The following CADM2 variants were observed in gnomAD, a reference collection of about 807,000 sequenced individuals.
CADM2 encodes the protein immunoglobulin superfamily member 4D.
Under a neutral mutation model 49.8 loss-of-function variants are expected in CADM2, and 12 were observed. The observed-to-expected ratio is 0.24, with a 90% CI of 0.15 to 0.39. The LOEUF (loss-of-function observed/expected upper bound fraction) is 0.39. CADM2 is among the 10% of genes least tolerant of loss of function. The pLI, the probability that CADM2 is intolerant of heterozygous loss-of-function variation, is 1.00. For missense variants in CADM2, 378 were observed against 492.3 expected, an observed-to-expected ratio of 0.77 and a Z score of 2.20; for synonymous variants, 214 against 175.4, an observed-to-expected ratio of 1.22 and a Z score of -1.74.
intron 3 of CADM2, among the ~76,000 whole-genome samples, chr3:85,807,499 C>CAACAAA (rs1491136759): frequency 8.5e-5 from 7 of 82,232 alleles, no homozygotes; most frequent in African/African-American, 2.6e-4. Context: ...AACTCCGTCT[C>CAACAAA]AAAAAAAAAA....
chr3:85,957,241 T>C (rs1335451104), intron 7 of CADM2, among the ~76,000 whole-genome samples: 1 of 151,738 alleles, frequency 6.6e-6, no homozygotes, highest in African/African-American at 2.4e-5. Flanking sequence ...TGAGAACTAT[T>C]AATAATTTGG....
chr3:85,777,430 G>A (rs1422517092), intron 2 of CADM2, among the ~76,000 whole-genome samples: 1 of 151,558 alleles, frequency 6.6e-6, no homozygotes, highest in Non-Finnish European at 1.5e-5. Context: ...TAATTTTTTT[G>A]TTTTAGTAGA....
At chr3:86,012,057 T>C (rs1454432443) in intron 8 of CADM2, among the ~76,000 whole-genome samples, 1 of 152,072 alleles carries the variant, frequency 6.6e-6, no homozygotes, top group African/African-American at 2.4e-5. Flanking sequence ...TATACTCATA[T>C]GGAAATATTT....
chr3:85,656,944 C>G (rs1321047258), intron 1 of CADM2, among the ~76,000 whole-genome samples: 1 of 152,060 alleles, frequency 6.6e-6, no homozygotes, highest in African/African-American at 2.4e-5. Context: ...TTCTATCTCC[C>G]CATGTCCTAT....
chr3:85,473,441 G>A (rs760216982), intron 1 of CADM2, among the ~76,000 whole-genome samples: 4 of 151,872 alleles, frequency 2.6e-5, no homozygotes, highest in African/African-American at 9.7e-5. Flanking sequence ...CTTTTAATTA[G>A]GCAGTGAAAT....
At chr3:85,505,017 G>T (rs1272144864) in intron 1 of CADM2, among the ~76,000 whole-genome samples, 1 of 152,070 alleles carries the variant, frequency 6.6e-6, no homozygotes, top group African/African-American at 2.4e-5. Flanking sequence ...CAGCTGGCCC[G>T]GAAGCGCCGC....
At chr3:85,985,619 G>A (rs1283787256) in intron 8 of CADM2, among the ~76,000 whole-genome samples, 1 of 152,026 alleles carries the variant, frequency 6.6e-6, no homozygotes. Flanking sequence ...TAATGCCATT[G>A]TATTTTTAAA....
At chr3:85,993,282 A>G (rs1038072696) in intron 8 of CADM2, 4 of 152,216 alleles carry the variant, frequency 2.6e-5, no homozygotes, top group Non-Finnish European at 1.5e-5. Context: ...TTGCTCCACC[A>G]TAAGAATCAA....
chr3:85,718,914 T>TATA (rs1299504108), intron 1 of CADM2, among the ~76,000 whole-genome samples: 2 of 124,360 alleles, frequency 1.6e-5, no homozygotes, highest in South Asian at 5.3e-4. Flanking sequence ...TTATTATTAT[T>TATA]ATTATTATTA....
chr3:85,935,057 A>G (rs1721041701), intron 6 of CADM2, among the ~76,000 whole-genome samples: 1 of 152,056 alleles, frequency 6.6e-6, no homozygotes, highest in Non-Finnish European at 1.5e-5. Context: ...GGAATATTGT[A>G]TGTCATTCAA....
At position 85,951,571 on chromosome 3, in the gene CADM2, G is replaced by A. The variant is rs575966116; in HGVS notation, c.792-9898G>A. Among the ~76,000 whole-genome samples, 303 of 150,912 alleles carry A rather than the reference G, an allele frequency of 2.0e-3. 3 individuals carry two copies. Among genetic ancestry groups the A allele is most frequent in the Admixed American group, 5.1e-3 (77 of 15,056 alleles). ...ATATTATGTTAAACAGCTCTGGGAC[G>A]GAGAAATGTGTATGTCTAATCACAC... On this transcript the variant is annotated intron_variant, in intron 7 of 9. Transcript: ENST00000383699.
At chr3:85,637,317 T>C (rs3924693) in intron 1 of CADM2, among the ~76,000 whole-genome samples, 29,224 of 151,900 alleles carry the variant, frequency 0.19, 3,476 homozygotes, top group East Asian at 0.53. Flanking sequence ...TAAAAGGTAT[T>C]ATTGGCCGGG....
intron 1 of CADM2, among the ~76,000 whole-genome samples, chr3:85,180,459 C>T (rs943171517): frequency 2.2e-5 from 3 of 137,180 alleles, no homozygotes; most frequent in East Asian, 2.4e-4. Context: ...CAATGAGCCG[C>T]GGTAGCGCCA....
intron 1 of CADM2, among the ~76,000 whole-genome samples, chr3:85,181,735 A>AT (rs1373950079): frequency 3.3e-5 from 5 of 151,416 alleles, no homozygotes; most frequent in African/African-American, 7.3e-5. Flanking sequence ...ACCCACAGAG[A>AT]TTTTTTTCCC....
At chr3:85,601,056 T>TTA (rs1165112821) in intron 1 of CADM2, among the ~76,000 whole-genome samples, 45 of 146,418 alleles carry the variant, frequency 3.1e-4, no homozygotes, top group Middle Eastern at 3.7e-3. Context: ...ATACCTATAT[T>TTA]TATATATATA....
intron 1 of CADM2, among the ~76,000 whole-genome samples, chr3:85,715,314 C>G (rs2067252103): frequency 6.6e-6 from 1 of 151,994 alleles, no homozygotes; most frequent in Admixed American, 6.5e-5. Flanking sequence ...TTACCAATAC[C>G]AATTATGAGC....
chr3:85,235,928 C>T (rs1320224358), intron 1 of CADM2, among the ~76,000 whole-genome samples: 1 of 152,120 alleles, frequency 6.6e-6, no homozygotes, highest in Non-Finnish European at 1.5e-5. Flanking sequence ...TTTGTTGAAG[C>T]ATCCTGTAGA....
intron 1 of CADM2, among the ~76,000 whole-genome samples, chr3:85,480,514 G>C (rs1310260845): frequency 6.6e-6 from 1 of 151,816 alleles, no homozygotes; most frequent in Non-Finnish European, 1.5e-5. Context: ...CCTAACTCTA[G>C]AGGGTTGTTG....
chr3:85,851,686 TAAC>T (rs1216216484), intron 3 of CADM2, among the ~76,000 whole-genome samples: 1 of 150,118 alleles, frequency 6.7e-6, no homozygotes, highest in African/African-American at 2.5e-5. Context: ...AAATTACATT[TAAC>T]TGAGACCAGA....
Sources: allele counts gnomAD v4.1 joint callset (sites outside exome capture counted in the v4.1 genomes callset), GRCh38; gene constraint gnomAD v4.1.1; transcripts MANE v1.5; gene names NCBI Gene and HGNC (gene_info 2026-07-23, HGNC 2026-07-21).